MEMO1: variants seen among roughly 807,000 people sequenced by gnomAD.
MEMO1 encodes the protein protein MEMO1.
A neutral mutation model predicts 45.2 loss-of-function variants in MEMO1; 6 were observed. The observed-to-expected ratio is 0.13, with a 90% confidence interval of 0.07 to 0.26. The LOEUF (loss-of-function observed/expected upper bound fraction) is 0.26. Among genes scored for constraint, MEMO1 ranks in the 10% least tolerant of loss-of-function variants. The probability of loss-of-function intolerance (pLI) is 1.00; values close to 1 mark genes in which losing one functional copy is unlikely to be tolerated. For missense variants in MEMO1, 184 were observed against 370.5 expected (o/e 0.50, Z 4.13); for synonymous variants, 78 against 124.3 (o/e 0.63, Z 2.48).
chr2:31,937,037 G>T (rs754227057), intron 3 of MEMO1, among the ~76,000 whole-genome samples: 4 of 152,164 alleles, frequency 2.6e-5, no homozygotes, highest in Non-Finnish European at 5.9e-5. Context: ...CTGAACAGAT[G>T]GGATCAATTT....
chr2:31,878,662 A>C (rs1303717846), intron 8 of MEMO1, among the ~76,000 whole-genome samples: 1 of 152,150 alleles, frequency 6.6e-6, no homozygotes, highest in African/African-American at 2.4e-5. Context: ...TTTTTGGTGC[A>C]AAAAGCATTA....
chr2:31,913,632 G>A (rs1232819577), intron 6 of MEMO1, among the ~76,000 whole-genome samples: 1 of 151,532 alleles, frequency 6.6e-6, no homozygotes, highest in African/African-American at 2.4e-5. Context: ...TGGCAAGACA[G>A]TTATTAATTC....
chr2:31,962,474 G>A (rs552865644), intron 2 of MEMO1, among the ~76,000 whole-genome samples: 3 of 152,274 alleles, frequency 2.0e-5, no homozygotes, highest in African/African-American at 7.2e-5. Flanking sequence ...ACTCTGTGCT[G>A]TAAGTTTTCA....
chr2:31,998,378 T>C (rs1272455731), intron 2 of MEMO1, among the ~76,000 whole-genome samples: 1 of 152,176 alleles, frequency 6.6e-6, no homozygotes, highest in Non-Finnish European at 1.5e-5. Flanking sequence ...GCTTAATCTG[T>C]ATTCCTTATA....
rs550419800 is a variant in MEMO1, at chr2:31,923,118, A to G, written c.213-2208T>C. Reference sequence around the variant, plus strand: ...AATGTATAAACATTTATTTTTCTCCACAACCTTGCCAGCATCTGTTAATTT... The same window carrying G: ...AATGTATAAACATTTATTTTTCTCCGCAACCTTGCCAGCATCTGTTAATTT... On this transcript the variant is annotated intron_variant, in intron 4 of 9. Coordinates refer to ENST00000404530, the MANE Select transcript of MEMO1 (RefSeq NM_001301833.4). 2.0e-5 allele frequency among the ~76,000 whole-genome samples: 3 copies of G among 152,180 alleles called. No individual in the cohort carries two copies. The South Asian group carries it at 6.2e-4, about 32-fold the overall frequency.
chr2:31,908,361 G>C (rs1471268603), intron 6 of MEMO1, among the ~76,000 whole-genome samples: 2 of 151,664 alleles, frequency 1.3e-5, no homozygotes, highest in Admixed American at 1.3e-4. Context: ...CCCATATGGT[G>C]AGAGTAAAAA....
intron 2 of MEMO1, among the ~76,000 whole-genome samples, chr2:31,945,914 C>T (rs1466483621): frequency 6.6e-6 from 1 of 152,186 alleles, no homozygotes; most frequent in African/African-American, 2.4e-5. Flanking sequence ...ACACTATTTA[C>T]TATTTATCTT....
intron 4 of MEMO1, among the ~76,000 whole-genome samples, chr2:31,924,180 T>C (rs1475881401): frequency 2.0e-5 from 3 of 152,220 alleles, no homozygotes; most frequent in South Asian, 2.1e-4. Flanking sequence ...AAATGGGACA[T>C]TTAAACCAGC....
At chr2:31,883,222 A>G (rs749139628) in intron 8 of MEMO1, among the ~76,000 whole-genome samples, 164 bp downstream of exon 8, 2 of 152,152 alleles carry the variant, frequency 1.3e-5, no homozygotes, top group Non-Finnish European at 2.9e-5. Context: ...CTACTAGAAT[A>G]GGGATTATTC....
intron 2 of MEMO1, among the ~76,000 whole-genome samples, chr2:32,007,076 C>T (rs1674183696): frequency 6.6e-6 from 1 of 152,054 alleles, no homozygotes; most frequent in African/African-American, 2.4e-5. Context: ...CTCCATTGGT[C>T]CTCACTCTCA....
chr2:31,970,775 G>T (rs1311262066), intron 2 of MEMO1, among the ~76,000 whole-genome samples: 1 of 152,158 alleles, frequency 6.6e-6, no homozygotes, highest in Middle Eastern at 3.2e-3. Flanking sequence ...AGGCCGAGGT[G>T]GGGGGATCAC....
intron 8 of MEMO1, among the ~76,000 whole-genome samples, chr2:31,874,631 T>C (rs928039377): frequency 6.6e-6 from 1 of 152,046 alleles, no homozygotes; most frequent in Non-Finnish European, 1.5e-5. Flanking sequence ...TTTGAACAGA[T>C]GTAATCTAAA....
intron 4 of MEMO1, among the ~76,000 whole-genome samples, chr2:31,925,546 T>A (rs1351628909): frequency 6.8e-6 from 1 of 147,852 alleles, no homozygotes; most frequent in African/African-American, 2.5e-5. Flanking sequence ...ACAATTTAAA[T>A]CAAGTCACCC....
At chr2:31,946,285 C>T (rs979746756) in intron 2 of MEMO1, among the ~76,000 whole-genome samples, 5 of 152,080 alleles carry the variant, frequency 3.3e-5, no homozygotes, top group Non-Finnish European at 7.4e-5. Context: ...ATAACATGCA[C>T]TGAAATTAAG....
At chr2:31,893,399 C>T (rs1677237786) in intron 6 of MEMO1, 1 of 1,060,072 alleles carries the variant, frequency 9.4e-7, no homozygotes, top group Non-Finnish European at 1.2e-6. Flanking sequence ...TACCAGTTTG[C>T]TAAATAACTC....
intron 4 of MEMO1, chr2:31,923,565 CT>C: frequency 2.9e-6 from 4 of 1,381,102 alleles, no homozygotes; most frequent in Non-Finnish European, 3.8e-6. Flanking sequence ...AAATTAAAGG[CT>C]TACGTGGGCT....
At chr2:31,898,422 T>A (rs1467115915) in intron 6 of MEMO1, among the ~76,000 whole-genome samples, 6 of 152,224 alleles carry the variant, frequency 3.9e-5, no homozygotes, top group Non-Finnish European at 8.8e-5. Context: ...TGTGACTTTG[T>A]TCTCATTGGT....
chr2:31,972,879 C>T (rs576522759), intron 2 of MEMO1, among the ~76,000 whole-genome samples: 1 of 152,270 alleles, frequency 6.6e-6, no homozygotes, highest in Admixed American at 6.5e-5. Context: ...GGAAGAAATA[C>T]AATGACCAAT....
chr2:31,908,385 G>A (rs879795487), intron 6 of MEMO1, among the ~76,000 whole-genome samples: 2 of 151,772 alleles, frequency 1.3e-5, no homozygotes, highest in Non-Finnish European at 2.9e-5. Context: ...CAATGAAAGA[G>A]ATTTCCAGTT....
Sources: allele counts gnomAD v4.1 joint callset (sites outside exome capture counted in the v4.1 genomes callset), GRCh38; gene constraint gnomAD v4.1.1; transcripts MANE v1.5; gene names NCBI Gene and HGNC (gene_info 2026-07-23, HGNC 2026-07-21).